Variants in THSD7A observed in about 807,000 individuals in gnomAD.
THSD7A encodes thrombospondin type-1 domain-containing protein 7A.
THSD7A carries 96 observed loss-of-function variants against 231.3 expected under a neutral mutation model. The ratio of observed to expected loss-of-function variants is 0.41; its 90% confidence interval spans 0.35 to 0.49. THSD7A has a LOEUF of 0.49. THSD7A is among the 20% of genes least tolerant of loss of function. The pLI, the probability that THSD7A is intolerant of heterozygous loss-of-function variation, is 0.05. For missense variants in THSD7A, 2,290 were observed against 2,070.2 expected (o/e 1.11, Z -2.06); for synonymous variants, 940 against 743.3 (o/e 1.26, Z -4.30).
At chr7:11,485,712 CA>C (rs1786629073) in intron 6 of THSD7A, among the ~76,000 whole-genome samples, 1 of 151,792 alleles carries the variant, frequency 6.6e-6, no homozygotes, top group Non-Finnish European at 1.5e-5. Flanking sequence ...CTGAGGATGC[CA>C]AGGCAGTAAA....
At chr7:11,422,538 T>G (rs896791903) in intron 16 of THSD7A, among the ~76,000 whole-genome samples, 1 of 148,502 alleles carries the variant, frequency 6.7e-6, no homozygotes, top group African/African-American at 2.5e-5. Context: ...AATAAATTGA[T>G]CTGAAAAGTT....
chr7:11,802,497 G>T (rs1294589029), intron 1 of THSD7A, among the ~76,000 whole-genome samples: 2 of 152,084 alleles, frequency 1.3e-5, no homozygotes, highest in Non-Finnish European at 2.9e-5. Flanking sequence ...AAGGTCTCTG[G>T]ATCCTGGGGA....
intron 8 of THSD7A, among the ~76,000 whole-genome samples, chr7:11,471,681 G>A (rs544423612): frequency 6.6e-6 from 1 of 152,070 alleles, no homozygotes; most frequent in Admixed American, 6.6e-5. Flanking sequence ...TAATTTCTAT[G>A]ACTATTCAAA....
At chr7:11,500,543 C>T (rs1787288232) in intron 6 of THSD7A, among the ~76,000 whole-genome samples, 2 of 151,982 alleles carry the variant, frequency 1.3e-5, no homozygotes, top group African/African-American at 2.4e-5. Context: ...AAAAGCAAGA[C>T]CCAAAGGTAT....
chr7:11,394,950 C>CA (rs1562574747), intron 23 of THSD7A, among the ~76,000 whole-genome samples: 4 of 152,164 alleles, frequency 2.6e-5, no homozygotes, highest in African/African-American at 9.7e-5. Context: ...ATGACAGGAT[C>CA]AAATTCACAT....
intron 1 of THSD7A, among the ~76,000 whole-genome samples, chr7:11,762,987 T>A (rs564881637): frequency 6.6e-6 from 1 of 152,074 alleles, no homozygotes; most frequent in Non-Finnish European, 1.5e-5. Flanking sequence ...AGAGCCCCAA[T>A]AGCCAAACAA....
chr7:11,498,294 T>C (rs1371813155), intron 6 of THSD7A, among the ~76,000 whole-genome samples: 1 of 152,148 alleles, frequency 6.6e-6, no homozygotes, highest in African/African-American at 2.4e-5. Context: ...GCCTTGGCCA[T>C]TCTAGCCTTT....
At chr7:11,721,756 G>C (rs1781361830) in intron 1 of THSD7A, among the ~76,000 whole-genome samples, 1 of 151,804 alleles carries the variant, frequency 6.6e-6, no homozygotes, top group Non-Finnish European at 1.5e-5. Flanking sequence ...CTGGAAAACT[G>C]ATTTTTACAT....
chr7:11,543,665 GAATT>G (rs1224291834), intron 4 of THSD7A, among the ~76,000 whole-genome samples: 1 of 152,148 alleles, frequency 6.6e-6, no homozygotes, highest in African/African-American at 2.4e-5. Context: ...AGTGCTCACT[GAATT>G]ATTTCCAAAA....
chr7:11,427,235 T>C (rs1199403522), intron 14 of THSD7A, among the ~76,000 whole-genome samples: 1 of 152,228 alleles, frequency 6.6e-6, no homozygotes. Context: ...ATTTTCAACA[T>C]TAACACAAAA....
intron 24 of THSD7A, among the ~76,000 whole-genome samples, chr7:11,380,944 C>T (rs1442653589): frequency 6.6e-6 from 1 of 151,674 alleles, no homozygotes; most frequent in Non-Finnish European, 1.5e-5. Context: ...GGGGAATAGC[C>T]CCAATTGCAG....
chr7:11,565,865 G>A (rs955696161), intron 4 of THSD7A, among the ~76,000 whole-genome samples: 38 of 152,044 alleles, frequency 2.5e-4, no homozygotes, highest in African/African-American at 8.0e-4. Flanking sequence ...CACCTACAAC[G>A]AATCCACCTG....
intron 1 of THSD7A, among the ~76,000 whole-genome samples, chr7:11,703,222 GC>G (rs1420348164): frequency 1.3e-5 from 2 of 151,202 alleles, no homozygotes; most frequent in Non-Finnish European, 3.0e-5. Context: ...TGTTGAAGAG[GC>G]TAGAAAATAT....
rs1479316075 is a variant in THSD7A, at chr7:11,446,318, C to T, written c.2807G>A (p.Ser936Asn). Residue 936 changes from serine (S) to asparagine (N), a missense_variant, in exon 13 of 28, where the codon AGT (serine) becomes AAT (asparagine). Transcript: ENST00000423059. This position sits in a 1 kb window ranked among gnomAD's most constrained non-coding sequence, Gnocchi z 4.0. Reference protein sequence around the residue: ...RTRKRTLVGKSKKKEKCKNSH... With the variant: ...RTRKRTLVGKNKKKEKCKNSH... ...ATTTTTACATTTTTCCTTCTTTTTACTTTTTCCTGTGGAAGAGAAACAATC... is the reference window on the plus strand; with the variant it reads ...ATTTTTACATTTTTCCTTCTTTTTATTTTTTCCTGTGGAAGAGAAACAATC... The T allele has an allele frequency of 6.2e-7, 1 of 1,609,132 alleles. No individual in the cohort carries two copies. The highest frequency in any genetic ancestry group is 8.5e-7 in the Non-Finnish European group (1 of 1,176,756).
intron 23 of THSD7A, among the ~76,000 whole-genome samples, chr7:11,389,531 GTC>G (rs1301989934): frequency 6.9e-6 from 1 of 144,572 alleles, no homozygotes; most frequent in African/African-American, 2.6e-5. Context: ...CGTGAGATGG[GTC>G]TCCTGAACAC....
chr7:11,478,039 T>G (rs1196382890), intron 7 of THSD7A, among the ~76,000 whole-genome samples: 1 of 152,154 alleles, frequency 6.6e-6, no homozygotes, highest in Admixed American at 6.6e-5. Flanking sequence ...CCTAACATAT[T>G]TGCAACTCTC....
At chr7:11,622,432 T>C (rs563920137) in intron 2 of THSD7A, among the ~76,000 whole-genome samples, 4 of 152,250 alleles carry the variant, frequency 2.6e-5, no homozygotes, top group Admixed American at 1.3e-4. Flanking sequence ...CATGATTTTT[T>C]TGTATCTTTA....
chr7:11,391,273 CTTT>C (rs113886867), intron 23 of THSD7A, among the ~76,000 whole-genome samples: 1 of 152,174 alleles, frequency 6.6e-6, no homozygotes, highest in East Asian at 1.9e-4. Flanking sequence ...GGGCTCCTGC[CTTT>C]TTTTTCACAA....
intron 1 of THSD7A, among the ~76,000 whole-genome samples, chr7:11,777,382 T>TA (rs971939440): frequency 4.0e-5 from 6 of 150,860 alleles, no homozygotes; most frequent in South Asian, 2.1e-4. Flanking sequence ...CATAATAGTG[T>TA]AAAAAAAACT....
Sources: gnomAD v4.1 joint callset for allele counts (sites outside exome capture counted in the v4.1 genomes callset) on GRCh38, gnomAD v4.1.1 for gene constraint, Gnocchi (gnomAD v3.1) non-coding constraint, MANE v1.5 for transcripts, NCBI Gene and HGNC (gene_info 2026-07-23, HGNC 2026-07-21) for gene names.